The following NRG3 variants were observed in gnomAD, a reference collection of about 807,000 sequenced individuals.
The protein encoded by NRG3 is neuregulin 3.
A neutral mutation model predicts 66.9 loss-of-function variants in NRG3; 31 were observed. The ratio of observed to expected loss-of-function variants is 0.46; its 90% confidence interval spans 0.35 to 0.63. NRG3 has a LOEUF of 0.63. Ranked by LOEUF, NRG3 falls within the 20% of genes least tolerant of loss-of-function variation. The probability of loss-of-function intolerance (pLI) is 0.00; values close to 1 mark genes in which losing one functional copy is unlikely to be tolerated. For synonymous variants in NRG3, 393 were observed against 359.4 expected (o/e 1.09, Z -1.06); for missense variants, 910 against 878.9 (o/e 1.04, Z -0.45).
Position 81,911,603 on chromosome 10 carries a change from G to GGTTTTTTTTTTTTTT in NRG3, c.823+35440_823+35441insGTTTTTTTTTTTTTT, listed in dbSNP as rs1306854861. Among the ~76,000 whole-genome samples the GGTTTTTTTTTTTTTT allele has an allele frequency of 5.1e-5, 4 of 77,944 alleles. 1 individual carries two copies. The highest frequency in any genetic ancestry group is 1.8e-4 in the African/African-American group (4 of 21,960). The allele number at this position is 77,944 out of a possible 152,430, so 51.1% of individuals were successfully genotyped here. On this transcript the variant is annotated intron_variant, in intron 1 of 8. Transcript: ENST00000372141. ...TGTCTTCACCCTCTAGCACAGACTT[G>GGTTTTTTTTTTTTTT]TTTTTTTTTTTTTTTTTTTTTTTTT... is the stretch of plus-strand genomic sequence containing the variant.
chr10:82,049,880 A>G (rs934990223), intron 1 of NRG3, among the ~76,000 whole-genome samples: 3 of 152,056 alleles, frequency 2.0e-5, no homozygotes, highest in Non-Finnish European at 4.4e-5. Context: ...TAAAAATCTC[A>G]ATAATCATAG....
intron 1 of NRG3, among the ~76,000 whole-genome samples, chr10:81,919,246 T>G (rs1468524636): frequency 6.6e-6 from 1 of 152,126 alleles, no homozygotes; most frequent in African/African-American, 2.4e-5. Flanking sequence ...AGTGCTGAGT[T>G]AGGATAGGAT....
At chr10:82,837,777 C>G (rs142096386) in intron 3 of NRG3, among the ~76,000 whole-genome samples, 3 of 152,068 alleles carry the variant, frequency 2.0e-5, no homozygotes, top group South Asian at 2.1e-4. Flanking sequence ...AAAGGCTCAT[C>G]ATGGTTAAAA....
At chr10:82,527,040 A>G (rs1425606669) in intron 2 of NRG3, among the ~76,000 whole-genome samples, 1 of 152,098 alleles carries the variant, frequency 6.6e-6, no homozygotes, top group Non-Finnish European at 1.5e-5. Context: ...ACTCTTGAGA[A>G]TATCATGAAA....
At chr10:82,475,750 CA>C (rs2132095343) in intron 2 of NRG3, among the ~76,000 whole-genome samples, 1 of 152,112 alleles carries the variant, frequency 6.6e-6, no homozygotes, top group African/African-American at 2.4e-5. Context: ...AGAAGAAATA[CA>C]GGGGAAAAGC....
intron 4 of NRG3, among the ~76,000 whole-genome samples, chr10:82,885,330 G>A (rs1051472797): frequency 2.6e-5 from 4 of 152,150 alleles, no homozygotes; most frequent in Admixed American, 2.0e-4. Context: ...AGTTTTCTCT[G>A]AAGACTACAG....
intron 2 of NRG3, among the ~76,000 whole-genome samples, chr10:82,423,363 G>C (rs967423215): frequency 1.3e-5 from 2 of 151,852 alleles, no homozygotes; most frequent in African/African-American, 4.8e-5. Context: ...TGAAGAAAGA[G>C]AACTGATCCA....
chr10:82,242,800 C>G (rs1225276033), intron 1 of NRG3, among the ~76,000 whole-genome samples: 2 of 152,154 alleles, frequency 1.3e-5, no homozygotes, highest in African/African-American at 4.8e-5. Flanking sequence ...GGAACCCATT[C>G]TCCACCCATC....
chr10:82,255,069 A>T (rs1470510789), intron 1 of NRG3, among the ~76,000 whole-genome samples: 1 of 152,190 alleles, frequency 6.6e-6, no homozygotes, highest in Non-Finnish European at 1.5e-5. Flanking sequence ...CAAGGTCAAT[A>T]CTCACAATCA....
intron 3 of NRG3, among the ~76,000 whole-genome samples, chr10:82,747,611 T>C (rs1166267693): frequency 6.6e-6 from 1 of 152,130 alleles, no homozygotes; most frequent in Admixed American, 6.5e-5. Flanking sequence ...ACTTGTTTAT[T>C]GGTCAGTTTC....
At chr10:82,432,828 G>T (rs947393079) in intron 2 of NRG3, among the ~76,000 whole-genome samples, 4 of 152,280 alleles carry the variant, frequency 2.6e-5, no homozygotes, top group Middle Eastern at 3.4e-3. Flanking sequence ...GTGTTGCATG[G>T]TGTATATGTA....
intron 2 of NRG3, among the ~76,000 whole-genome samples, chr10:82,447,407 G>A (rs1478930090): frequency 6.6e-6 from 1 of 152,014 alleles, no homozygotes; most frequent in Non-Finnish European, 1.5e-5. Flanking sequence ...AACATAGTGA[G>A]GCCCCATCCC....
intron 2 of NRG3, among the ~76,000 whole-genome samples, chr10:82,496,782 T>A (rs773893676): frequency 2.2e-4 from 33 of 152,318 alleles, no homozygotes; most frequent in Non-Finnish European, 4.4e-4. Flanking sequence ...GAATATTTTC[T>A]ATCTAATCAG....
At chr10:82,742,247 A>C in intron 3 of NRG3, among the ~76,000 whole-genome samples, 1 of 152,126 alleles carries the variant, frequency 6.6e-6, no homozygotes, top group East Asian at 1.9e-4. Flanking sequence ...CTTTTACATT[A>C]AATTTTAAAA....
rs1221092553 is a variant in NRG3 at position 82,300,111 on chromosome 10, A to G, written c.824-58628A>G. Among the ~76,000 whole-genome samples, 18 of 152,326 alleles carry G rather than the reference A, an allele frequency of 1.2e-4. No homozygotes were observed. The East Asian group carries it at 2.7e-3, about 23-fold the overall frequency. Reference sequence around the variant, plus strand: ...TATACAAATAAAGAAGTGTAAACACATTGTTAGTTTGGGGATTAATATTTG... The same window carrying G: ...TATACAAATAAAGAAGTGTAAACACGTTGTTAGTTTGGGGATTAATATTTG... On this transcript the variant is annotated intron_variant, in intron 1 of 8. Transcript: ENST00000372141.
intron 5 of NRG3, among the ~76,000 whole-genome samples, chr10:82,952,515 G>A (rs961383936): frequency 7.6e-6 from 1 of 131,136 alleles, no homozygotes; most frequent in South Asian, 2.7e-4. Flanking sequence ...GTGTGTGTGT[G>A]TGTGTATTTT....
intron 2 of NRG3, among the ~76,000 whole-genome samples, chr10:82,731,712 G>A (rs531057178): frequency 4.6e-5 from 7 of 152,218 alleles, no homozygotes; most frequent in African/African-American, 1.7e-4. Flanking sequence ...CTGGGCTATT[G>A]TGAATAGTGT....
At chr10:82,535,517 G>T (rs897059629) in intron 2 of NRG3, among the ~76,000 whole-genome samples, 1 of 152,102 alleles carries the variant, frequency 6.6e-6, no homozygotes, top group Non-Finnish European at 1.5e-5. Context: ...GGATTGGAAG[G>T]TTGTAGAATC....
intron 1 of NRG3, among the ~76,000 whole-genome samples, chr10:82,228,751 G>A (rs1036623612): frequency 1.3e-5 from 2 of 152,148 alleles, no homozygotes; most frequent in African/African-American, 4.8e-5. Flanking sequence ...GCCAAATACT[G>A]GAAGAAAGGC....
Sources: gnomAD v4.1 joint callset for allele counts (sites outside exome capture counted in the v4.1 genomes callset) on GRCh38, gnomAD v4.1.1 for gene constraint, MANE v1.5 for transcripts, NCBI Gene and HGNC (gene_info 2026-07-23, HGNC 2026-07-21) for gene names.